Variants in CLSTN2 observed in about 807,000 individuals in gnomAD.
The protein encoded by CLSTN2 is calsyntenin 2.
A neutral mutation model predicts 101.2 loss-of-function variants in CLSTN2; 48 were observed. That is an observed-to-expected ratio of 0.47 (90% CI 0.38 to 0.60). The LOEUF is 0.60. CLSTN2 is among the 20% of genes least tolerant of loss of function. CLSTN2 has a pLI of 0.00. For synonymous variants in CLSTN2, 481 were observed against 463.6 expected (o/e 1.04, Z -0.48); for missense variants, 1,160 against 1,238.2 (o/e 0.94, Z 0.95).
rs1000540911 is a variant in CLSTN2, at chr3:140,418,154, ATGT to A, written c.638-2967_638-2965del. On this transcript the variant is annotated intron_variant, in intron 4 of 16. Transcript: ENST00000458420. ...ATTTTTTTTTTCAAAATTCAATGTG[ATGT>A]TGTGAAAATATACTTCTCATGGTTA... Among the ~76,000 whole-genome samples the A allele has an allele frequency of 2.3e-4, 35 of 151,952 alleles. 1 individual carries two copies. The highest frequency in any genetic ancestry group is 9.8e-4 in the Admixed American group (15 of 15,258).
At chr3:140,037,227 T>G (rs2007672046) in intron 1 of CLSTN2, among the ~76,000 whole-genome samples, 1 of 152,228 alleles carries the variant, frequency 6.6e-6, no homozygotes, top group Non-Finnish European at 1.5e-5. Context: ...CAACCCTTTA[T>G]GTACCTATTA....
At chr3:140,541,944 C>A (rs1935488326) in intron 9 of CLSTN2, among the ~76,000 whole-genome samples, 1 of 152,144 alleles carries the variant, frequency 6.6e-6, no homozygotes, top group Non-Finnish European at 1.5e-5. Flanking sequence ...TGCCATGACC[C>A]TCCCTGCGAC....
intron 8 of CLSTN2, among the ~76,000 whole-genome samples, chr3:140,499,935 C>T (rs907522222): frequency 5.3e-5 from 8 of 152,066 alleles, no homozygotes; most frequent in Admixed American, 1.3e-4. Context: ...GGCATGGTGG[C>T]GGGAGCCCGT....
At chr3:140,293,239 C>T (rs62268002) in intron 2 of CLSTN2, among the ~76,000 whole-genome samples, 2,537 of 151,946 alleles carry the variant, frequency 0.017, 29 homozygotes, top group Middle Eastern at 0.065. Context: ...TTAGTGTAGA[C>T]TGAGGGATGT....
At chr3:140,310,412 G>A (rs1300569215) in intron 2 of CLSTN2, among the ~76,000 whole-genome samples, 2 of 152,074 alleles carry the variant, frequency 1.3e-5, no homozygotes, top group African/African-American at 4.8e-5. Context: ...CCAGGCCTCG[G>A]TGCTTTTAAC....
intron 1 of CLSTN2, among the ~76,000 whole-genome samples, chr3:139,981,838 G>A (rs1465236977): frequency 6.6e-6 from 1 of 152,200 alleles, no homozygotes; most frequent in Non-Finnish European, 1.5e-5. Context: ...TACAATGTAA[G>A]CAAATGAAAA....
At chr3:140,077,382 A>G (rs183411365) in intron 1 of CLSTN2, among the ~76,000 whole-genome samples, 1 of 152,280 alleles carries the variant, frequency 6.6e-6, no homozygotes, top group Admixed American at 6.5e-5. Context: ...TTGGCTTATC[A>G]CAGGGCTCTC....
chr3:140,009,408 A>G (rs1393310499), intron 1 of CLSTN2, among the ~76,000 whole-genome samples: 1 of 152,220 alleles, frequency 6.6e-6, no homozygotes, highest in Non-Finnish European at 1.5e-5. Flanking sequence ...AAAATCACCA[A>G]TAATCTCTTC....
chr3:140,158,932 G>A (rs1385661989), intron 1 of CLSTN2, among the ~76,000 whole-genome samples: 1 of 152,130 alleles, frequency 6.6e-6, no homozygotes, highest in African/African-American at 2.4e-5. Context: ...ATGGGGGAAA[G>A]AACACCCTAT....
intron 8 of CLSTN2, among the ~76,000 whole-genome samples, chr3:140,500,985 C>T (rs1027742239): frequency 2.6e-5 from 4 of 152,056 alleles, no homozygotes; most frequent in Non-Finnish European, 4.4e-5. Flanking sequence ...TGATTGAGTA[C>T]CAGTCTTGTT....
chr3:139,937,544 C>G (rs1259619028), intron 1 of CLSTN2, among the ~76,000 whole-genome samples: 6 of 149,624 alleles, frequency 4.0e-5, no homozygotes, highest in Middle Eastern at 3.4e-3. Context: ...CGAGACCAGC[C>G]TGACCAACAT....
chr3:140,284,058 T>C (rs1317116846), intron 2 of CLSTN2, among the ~76,000 whole-genome samples: 1 of 152,210 alleles, frequency 6.6e-6, no homozygotes, highest in East Asian at 1.9e-4. Flanking sequence ...TTGGCAAGAA[T>C]TGATGCAATT....
intron 8 of CLSTN2, among the ~76,000 whole-genome samples, chr3:140,503,627 G>T (rs1559888172): frequency 6.6e-6 from 1 of 152,076 alleles, no homozygotes; most frequent in Non-Finnish European, 1.5e-5. Context: ...ATTAGGACAT[G>T]AACCTATAAG....
At chr3:139,946,308 T>G (rs941490273) in intron 1 of CLSTN2, among the ~76,000 whole-genome samples, 19 of 152,210 alleles carry the variant, frequency 1.2e-4, no homozygotes, top group African/African-American at 4.6e-4. Flanking sequence ...GCCTGAAGCT[T>G]AGGCCAGATG....
intron 1 of CLSTN2, among the ~76,000 whole-genome samples, chr3:139,968,682 C>A (rs888844245): frequency 2.0e-5 from 3 of 152,160 alleles, no homozygotes; most frequent in African/African-American, 7.2e-5. Context: ...AGCACAAATG[C>A]AACGAGGCAA....
chr3:139,968,172 T>C (rs976871018), intron 1 of CLSTN2, among the ~76,000 whole-genome samples: 4 of 152,208 alleles, frequency 2.6e-5, no homozygotes, highest in African/African-American at 9.6e-5. Flanking sequence ...ATCACTCACA[T>C]TAGAGGCCAC....
At chr3:140,431,447 T>G (rs2088627674) in intron 5 of CLSTN2, among the ~76,000 whole-genome samples, 1 of 151,974 alleles carries the variant, frequency 6.6e-6, no homozygotes. Context: ...GCATGAAAAA[T>G]TACCCATATA....
chr3:140,015,628 T>C (rs748633599), intron 1 of CLSTN2, among the ~76,000 whole-genome samples: 8 of 152,194 alleles, frequency 5.3e-5, no homozygotes, highest in Admixed American at 1.3e-4. Flanking sequence ...AGGAACATCA[T>C]GGGAGGAACA....
chr3:140,284,275 T>G (rs1373693977), intron 2 of CLSTN2, among the ~76,000 whole-genome samples: 1 of 152,158 alleles, frequency 6.6e-6, no homozygotes, highest in African/African-American at 2.4e-5. Flanking sequence ...CAAATTGGGT[T>G]TCTAATTTAT....
Sources: gnomAD v4.1 joint callset for allele counts (sites outside exome capture counted in the v4.1 genomes callset) on GRCh38, gnomAD v4.1.1 for gene constraint, MANE v1.5 for transcripts, NCBI Gene and HGNC (gene_info 2026-07-23, HGNC 2026-07-21) for gene names.